The following ALG8 variants were observed in gnomAD, a reference collection of about 807,000 sequenced individuals.
ALG8 encodes the protein ALG8 alpha-1,3-glucosyltransferase.
A neutral mutation model predicts 70.2 loss-of-function variants in ALG8; 48 were observed. The ratio of observed to expected loss-of-function variants is 0.68; its 90% confidence interval spans 0.54 to 0.87. The LOEUF is 0.87. Ranked by LOEUF, ALG8 falls within the 40% of genes least tolerant of loss-of-function variation. The pLI is 0.00. For missense variants in ALG8, 572 were observed against 608.7 expected (o/e 0.94, Z 0.64); for synonymous variants, 234 against 229.0 (o/e 1.02, Z -0.20).
chr11:78,107,004 CAG>C, intron 9 of ALG8, 58 bp from the exon 10 acceptor site: 1 of 1,598,836 alleles, frequency 6.3e-7, no homozygotes, highest in Non-Finnish European at 8.5e-7. Context: ...TTTACAGAAA[CAG>C]AGTTCAGGTG....
intron 1 of ALG8, among the ~76,000 whole-genome samples, chr11:78,128,612 CT>C (rs369506357): frequency 1.7e-3 from 233 of 137,778 alleles, no homozygotes; most frequent in Admixed American, 1.3e-3. Context: ...TCCCAAATTA[CT>C]TTTTTTTTTT....
chr11:78,119,676 A>G (rs775658596), intron 4 of ALG8, among the ~76,000 whole-genome samples: 2 of 152,088 alleles, frequency 1.3e-5, no homozygotes, highest in Non-Finnish European at 2.9e-5. Flanking sequence ...TGATTCCCCA[A>G]CCTTGGCTTC....
Position 78,112,731 on chromosome 11 carries a change from TGAAAG to T in ALG8, c.812_816del (p.Pro271GlnfsTer35). The T allele has an allele frequency of 6.2e-7, 1 of 1,613,906 alleles. No homozygotes were observed. Among genetic ancestry groups the T allele is most frequent in the South Asian group, 1.1e-5 (1 of 91,080 alleles). The stretch of plus-strand genomic sequence containing the variant: ...CAATATGCATGACAGAGGCCCCTCT[TGAAAG>T]GAAAGAGTCGGGAAAAGACTTGAGG... On this transcript the variant is annotated frameshift_variant, in exon 8 of 13. Coordinates refer to ENST00000299626, the MANE Select transcript of ALG8 (RefSeq NM_024079.5). LOFTEE classifies it high-confidence loss of function.
intron 5 of ALG8, chr11:78,114,663 T>C (rs1398999866): frequency 4.2e-6 from 2 of 479,734 alleles, no homozygotes; most frequent in Non-Finnish European, 7.7e-6. Flanking sequence ...TACAAAAAGG[T>C]TATTTAAAAA....
In ALG8 at chr11:78,113,951, C is replaced by T. The variant is rs775490122; in HGVS notation, c.712G>A (p.Val238Ile). 6.3e-7 allele frequency: 1 copy of T among 1,599,374 alleles called. No individual in the cohort carries two copies. The highest frequency in any genetic ancestry group is 1.4e-5 in the African/African-American group (1 of 72,776). ...AAAACAACCAGTCCCAGGGAAATAA[C>T]ACGAACAAAGCTGAAACTCTTCCAT... ...IRWKSFSFVR[V>I]ISLGLVVFLV... The change falls in exon 7 of 13, where the codon GTT becomes ATT. Residue 238 changes from valine to isoleucine, a missense_variant. Coordinates refer to ENST00000299626, the MANE Select transcript of ALG8 (RefSeq NM_024079.5).
chr11:78,130,013 C>G (rs1861234997), intron 1 of ALG8, among the ~76,000 whole-genome samples: 1 of 151,936 alleles, frequency 6.6e-6, no homozygotes, highest in Non-Finnish European at 1.5e-5. Context: ...AAAAAAAACC[C>G]AAACAAAAAT....
At chr11:78,110,380 C>T (rs954521355) in intron 8 of ALG8, among the ~76,000 whole-genome samples, 14 of 152,064 alleles carry the variant, frequency 9.2e-5, no homozygotes, top group Admixed American at 1.3e-4. Context: ...TTAGTAGAGA[C>T]GGGGTGTCAC....
Position 78,104,228 on chromosome 11 carries a change from T to C in ALG8, c.1276+128A>G, listed in dbSNP as rs188132452. 278 of 1,034,332 alleles carry C rather than the reference T, an allele frequency of 2.7e-4. No individual in the cohort carries two copies. The African/African-American group carries it at 4.1e-3, about 15-fold the overall frequency. 64.1% of individuals were successfully genotyped at this position (1,034,332 alleles called of 1,614,324 possible). A position where few individuals can be genotyped will look rare whatever the true frequency, so the allele number is the denominator to read the frequency against. On this transcript the variant is annotated intron_variant, in intron 11 of 12. Transcript: ENST00000299626. ...GAGAATTACAGGAAATTGGAGGTTT[T>C]ATTTAAGAGGATGAATGATCTCTAT...
At chr11:78,123,801 C>T (rs1338778238) in intron 3 of ALG8, among the ~76,000 whole-genome samples, 1 of 152,160 alleles carries the variant, frequency 6.6e-6, no homozygotes, top group Non-Finnish European at 1.5e-5. Context: ...ATCTCTTGTT[C>T]TACCTCTGCC....
At chr11:78,126,531 T>TGAA (rs1590833762) in intron 2 of ALG8, among the ~76,000 whole-genome samples, 1 of 51,334 alleles carries the variant, frequency 1.9e-5, no homozygotes, top group African/African-American at 1.5e-4. Flanking sequence ...AGACTCTGTC[T>TGAA]CAAAAAAAAA....
intron 8 of ALG8, among the ~76,000 whole-genome samples, chr11:78,110,090 C>T (rs1400085757): frequency 6.6e-6 from 1 of 152,240 alleles, no homozygotes; most frequent in Non-Finnish European, 1.5e-5. Context: ...TGTCCCTCTG[C>T]CCAGGCAACT....
intron 10 of ALG8, 127 bp downstream of exon 10, chr11:78,106,680 A>G: frequency 8.1e-7 from 1 of 1,227,704 alleles, no homozygotes; most frequent in Non-Finnish European, 1.2e-6. Flanking sequence ...GTCCTAGTGG[A>G]CATCTGTTCC....
intron 7 of ALG8, 95 bp from the exon 8 acceptor site, chr11:78,112,865 A>G (rs1020963385): frequency 1.4e-6 from 2 of 1,477,332 alleles, no homozygotes; most frequent in African/African-American, 1.4e-5. Flanking sequence ...TAGTGTGTAG[A>G]AAGTTATGGG....
chr11:78,112,461 A>G, intron 8 of ALG8, 189 bp downstream of exon 8: 2 of 702,012 alleles, frequency 2.8e-6, no homozygotes, highest in Middle Eastern at 4.3e-4. Flanking sequence ...TTATAAGGAA[A>G]ACAGTCTGTT....
At chr11:78,127,943 C>G (rs929795682) in intron 1 of ALG8, among the ~76,000 whole-genome samples, 1 of 152,134 alleles carries the variant, frequency 6.6e-6, no homozygotes, top group Non-Finnish European at 1.5e-5. Context: ...CTCAGGTGAT[C>G]CACCTGCCTC....
At chr11:78,120,130 TTA>T (rs1194548405) in intron 4 of ALG8, among the ~76,000 whole-genome samples, 1 of 152,004 alleles carries the variant, frequency 6.6e-6, no homozygotes, top group Non-Finnish European at 1.5e-5. Context: ...GGAAAGAAAC[TTA>T]TGTTTAATGA....
chr11:78,133,076 C>A (rs1861376293), intron 1 of ALG8, among the ~76,000 whole-genome samples: 1 of 152,066 alleles, frequency 6.6e-6, no homozygotes, highest in Admixed American at 6.6e-5. Context: ...ACCTCGTGAT[C>A]CGCCCGCCTC....
chr11:78,139,094 A>G (rs550382856), intron 1 of ALG8: 1 of 351,818 alleles, frequency 2.8e-6, no homozygotes, highest in South Asian at 2.4e-5. Context: ...CTGTTTGTCT[A>G]GCTCCACCCA....
Position 78,120,397 on chromosome 11 carries a change from A to G in ALG8, c.478+668T>C, listed in dbSNP as rs1860769148. ...TATACAATCTTATGTATTAAGCCTC[A>G]CAATGAACCTGTGAGGTATTTAGAA... On this transcript the variant is annotated intron_variant, in intron 4 of 12. Coordinates refer to ENST00000299626, the MANE Select transcript of ALG8 (RefSeq NM_024079.5). Among the ~76,000 whole-genome samples, 3 of 152,320 alleles carry G rather than the reference A, an allele frequency of 2.0e-5. 1 individual carries two copies. In the South Asian group the frequency reaches 6.2e-4, roughly 32 times the overall value.
Sources: allele counts gnomAD v4.1 joint callset (sites outside exome capture counted in the v4.1 genomes callset), GRCh38; gene constraint gnomAD v4.1.1; transcripts MANE v1.5; gene names NCBI Gene and HGNC (gene_info 2026-07-23, HGNC 2026-07-21).